The following CEP55 variants were observed in gnomAD, a reference collection of about 807,000 sequenced individuals.
CEP55 encodes centrosomal protein of 55 kDa.
CEP55 carries 57 observed loss-of-function variants against 63.2 expected under a neutral mutation model. The ratio of observed to expected loss-of-function variants is 0.90; its 90% CI spans 0.73 to 1.13. CEP55 has a LOEUF of 1.13. Among genes scored for constraint, CEP55 ranks in the 50% most tolerant of loss-of-function variants. The pLI is 0.00. For synonymous variants in CEP55, 178 were observed against 191.6 expected (o/e 0.93, Z 0.59); for missense variants, 456 against 518.9 (o/e 0.88, Z 1.18).
At chr10:93,504,497 A>C (rs1017423481) in intron 3 of CEP55, among the ~76,000 whole-genome samples, 1 of 151,920 alleles carries the variant, frequency 6.6e-6, no homozygotes, top group Non-Finnish European at 1.5e-5. Context: ...CATCTATAGT[A>C]GAAAATCTGT....
intron 6 of CEP55, among the ~76,000 whole-genome samples, chr10:93,518,206 A>G (rs911788025): frequency 6.6e-6 from 1 of 151,380 alleles, no homozygotes; most frequent in African/African-American, 2.4e-5. Flanking sequence ...CTGGAATGCA[A>G]TGGCGTAATC....
intron 8 of CEP55, chr10:93,520,288 G>A (rs1048011873): frequency 2.0e-4 from 32 of 163,038 alleles, no homozygotes; most frequent in South Asian, 6.7e-4. Context: ...TTAGCCGGGC[G>A]TGGTGGCGGG....
chr10:93,521,033 C>T (rs922298509), intron 8 of CEP55, among the ~76,000 whole-genome samples: 76 of 152,096 alleles, frequency 5.0e-4, no homozygotes, highest in African/African-American at 1.7e-3. Context: ...CCAGCGTGAG[C>T]GACACAGAAG....
chr10:93,524,126 T>C (rs1269748003), intron 8 of CEP55, among the ~76,000 whole-genome samples: 2 of 151,770 alleles, frequency 1.3e-5, no homozygotes, highest in Non-Finnish European at 2.9e-5. Flanking sequence ...ACAAAAAAAC[T>C]TTCAAAAAAT....
intron 2 of CEP55, among the ~76,000 whole-genome samples, chr10:93,502,643 A>T (rs761512393): frequency 1.1e-4 from 17 of 152,228 alleles, no homozygotes; most frequent in Non-Finnish European, 2.4e-4. Flanking sequence ...GAAAGTAAGC[A>T]GGTTAATGAA....
intron 4 of CEP55, among the ~76,000 whole-genome samples, chr10:93,512,888 C>G (rs912435184): frequency 1.3e-5 from 2 of 152,184 alleles, no homozygotes; most frequent in Admixed American, 6.5e-5. Context: ...ACTAAGTTCA[C>G]TGATTATTTT....
chr10:93,523,355 A>G (rs2057884108), intron 8 of CEP55, among the ~76,000 whole-genome samples: 1 of 152,236 alleles, frequency 6.6e-6, no homozygotes, highest in South Asian at 2.1e-4. Context: ...ACATTACATA[A>G]TGGTAAAGGG....
intron 8 of CEP55, among the ~76,000 whole-genome samples, chr10:93,525,418 T>C (rs1432843332): frequency 2.0e-5 from 3 of 152,174 alleles, no homozygotes; most frequent in Non-Finnish European, 4.4e-5. Context: ...TACAAACCAC[T>C]GCTCAACAAA....
intron 4 of CEP55, among the ~76,000 whole-genome samples, chr10:93,511,379 A>G (rs2057746703): frequency 6.6e-6 from 1 of 152,214 alleles, no homozygotes; most frequent in South Asian, 2.1e-4. Context: ...TTTGACTCTA[A>G]AAACTCAAAA....
intron 1 of CEP55, among the ~76,000 whole-genome samples, chr10:93,497,384 G>T (rs1187388855): frequency 6.6e-6 from 1 of 152,134 alleles, no homozygotes; most frequent in Admixed American, 6.5e-5. Context: ...TCCTTCCTCA[G>T]CCTCCTGAAT....
chr10:93,505,962 C>T (rs1343571470), intron 3 of CEP55, among the ~76,000 whole-genome samples: 1 of 152,068 alleles, frequency 6.6e-6, no homozygotes, highest in Non-Finnish European at 1.5e-5. Context: ...GAACTCCTGA[C>T]CTCAGGTGAT....
At chr10:93,497,867 C>T (rs1234899644) in intron 1 of CEP55, among the ~76,000 whole-genome samples, 3 of 151,696 alleles carry the variant, frequency 2.0e-5, no homozygotes, top group African/African-American at 7.2e-5. Context: ...GCCTGTAATC[C>T]CAGCACTTTG....
intron 7 of CEP55, 41 bp from the exon 8 acceptor site, chr10:93,519,641 T>A (rs371160137): frequency 6.2e-7 from 1 of 1,605,854 alleles, no homozygotes; most frequent in Non-Finnish European, 8.5e-7. Context: ...AACTAGACAG[T>A]CTGTATCAGC....
chr10:93,514,723 C>T, intron 4 of CEP55, among the ~76,000 whole-genome samples: 1 of 152,214 alleles, frequency 6.6e-6, no homozygotes. Flanking sequence ...TGGAGGCTGT[C>T]AGCTAATCAG....
rs554234979 is a variant in CEP55 at position 93,512,226 on chromosome 10, C to CAAA, written c.529-3167_529-3165dup. 7.1e-3 allele frequency among the ~76,000 whole-genome samples: 858 copies of CAAA among 120,212 alleles called. 16 individuals are homozygous for CAAA. The highest frequency in any genetic ancestry group is 9.9e-3 in the Non-Finnish European group (602 of 60,916). The allele number at this position is 120,212 out of a possible 152,430, so 78.9% of individuals were successfully genotyped here. A position where few individuals can be genotyped will look rare whatever the true frequency, so the allele number is the denominator to read the frequency against. On this transcript the variant is annotated intron_variant, in intron 4 of 8. Transcript: ENST00000371485. Reference sequence around the variant, plus strand: ...GGGGCCACAGAGCGAGACTCCGTTTCAAAAAAAAAAAAAATTGGCCGGGCT... The same window carrying CAAA: ...GGGGCCACAGAGCGAGACTCCGTTTCAAAAAAAAAAAAAAAAATTGGCCGGGCT...
At chr10:93,519,079 T>C (rs1269283143) in intron 7 of CEP55, 131 bp downstream of exon 7, 5 of 589,002 alleles carry the variant, frequency 8.5e-6, no homozygotes, top group Non-Finnish European at 1.2e-5. Context: ...TCAATAAAAG[T>C]CTTTCTTCTT....
chr10:93,527,085 A>T (rs569617122), intron 8 of CEP55, among the ~76,000 whole-genome samples: 1,026 of 13,950 alleles, frequency 0.074, 15 homozygotes, highest in African/African-American at 0.13. Context: ...AGTATAATTA[A>T]AAAAAAAAAA....
intron 2 of CEP55, among the ~76,000 whole-genome samples, chr10:93,502,127 A>T (rs1315531279): frequency 1.3e-5 from 2 of 150,818 alleles, no homozygotes; most frequent in East Asian, 3.9e-4. Context: ...CTGGCTTCTT[A>T]TCATCTTGAA....
chr10:93,516,857 T>G, intron 5 of CEP55, 78 bp from the exon 6 acceptor site: 2 of 990,224 alleles, frequency 2.0e-6, no homozygotes, highest in Non-Finnish European at 3.0e-6. Context: ...GTGATTCATT[T>G]AGATGTTTGA....
Sources: gnomAD v4.1 joint callset for allele counts (sites outside exome capture counted in the v4.1 genomes callset) on GRCh38, gnomAD v4.1.1 for gene constraint, MANE v1.5 for transcripts, NCBI Gene and HGNC (gene_info 2026-07-23, HGNC 2026-07-21) for gene names.